KANK2: variants seen among roughly 807,000 people sequenced by gnomAD.
The protein encoded by KANK2 is KN motif and ankyrin repeat domains 2.
Under a neutral mutation model 74.6 loss-of-function variants are expected in KANK2, and 41 were observed. The observed-to-expected ratio is 0.55, with a 90% CI of 0.43 to 0.71. The LOEUF is 0.71. KANK2 is among the 30% of genes least tolerant of loss of function. The probability of loss-of-function intolerance (pLI) is 0.00; values close to 1 mark genes in which losing one functional copy is unlikely to be tolerated. For missense variants in KANK2, 1,148 were observed against 1,196.4 expected (o/e 0.96, Z 0.60); for synonymous variants, 537 against 519.0 (o/e 1.03, Z -0.47).
chr19:11,188,922 T>G (rs1338363005), intron 4 of KANK2, among the ~76,000 whole-genome samples: 2 of 151,134 alleles, frequency 1.3e-5, no homozygotes, highest in African/African-American at 2.4e-5. Context: ...GAGGTGGAGG[T>G]TGCAGTGAGC....
At chr19:11,186,960 G>T (rs1482805942) in intron 4 of KANK2, among the ~76,000 whole-genome samples, 4 of 151,950 alleles carry the variant, frequency 2.6e-5, no homozygotes, top group Non-Finnish European at 5.9e-5. Flanking sequence ...ACTGTGAAGG[G>T]ATTAGAGAAG....
At chr19:11,192,783 G>GCC (rs35706290) in intron 4 of KANK2, 48 bp downstream of exon 4, 153 of 1,444,550 alleles carry the variant, frequency 1.1e-4, no homozygotes, top group East Asian at 6.8e-4. Flanking sequence ...GAAGAAAGAG[G>GCC]CCCCCCCCCC....
At chr19:11,167,878 C>A (rs2147362541) in intron 12 of KANK2, among the ~76,000 whole-genome samples, 1 of 152,024 alleles carries the variant, frequency 6.6e-6, no homozygotes, top group South Asian at 2.1e-4. Flanking sequence ...GGCCTTTGCA[C>A]TGCTTGTTCC....
chr19:11,170,441 G>A lies in KANK2; in HGVS notation c.2212-193C>T. The A allele has an allele frequency of 1.7e-6, 1 of 596,380 alleles. No individual in the cohort carries two copies. Among genetic ancestry groups the A allele is most frequent in the Non-Finnish European group, 3.0e-6 (1 of 334,672 alleles). The allele number at this position is 596,380 out of a possible 1,614,324, so 36.9% of individuals were successfully genotyped here. A position where few individuals can be genotyped will look rare whatever the true frequency, so the allele number is the denominator to read the frequency against. ...AAATCCACAGAGACAGAAAGCGGATGAGTGGTTGCCAGAGGCTGGGAGAAG... is the reference window on the plus strand; with the variant it reads ...AAATCCACAGAGACAGAAAGCGGATAAGTGGTTGCCAGAGGCTGGGAGAAG... On this transcript the variant is annotated intron_variant, in intron 10 of 12. Coordinates refer to ENST00000586659, the MANE Select transcript of KANK2 (RefSeq NM_001136191.3). The surrounding 1 kb of genome is among the most constrained non-coding windows in gnomAD (Gnocchi z 5.2).
intron 4 of KANK2, among the ~76,000 whole-genome samples, chr19:11,187,390 A>G (rs2078707311): frequency 1.3e-5 from 2 of 152,226 alleles, no homozygotes; most frequent in South Asian, 4.1e-4. Context: ...TCTGAAGCAC[A>G]ACACCATTTA....
chr19:11,177,654 T>C (rs1036170365), intron 6 of KANK2, among the ~76,000 whole-genome samples: 2 of 152,036 alleles, frequency 1.3e-5, no homozygotes. Context: ...GCCCGGCCAC[T>C]TCTAGCCCTT....
intron 12 of KANK2, among the ~76,000 whole-genome samples, chr19:11,167,355 G>A (rs192107863): frequency 1.3e-5 from 2 of 151,836 alleles, no homozygotes; most frequent in African/African-American, 4.8e-5. Flanking sequence ...GTGAGCCACC[G>A]TGCCCGGCCT....
Position 11,193,218 on chromosome 19 carries a change from TGGC to T in KANK2, c.859_861del (p.Ala287del), listed in dbSNP as rs745351817. 1.6e-5 allele frequency: 25 copies of T among 1,609,494 alleles called. No homozygotes were observed. The highest frequency in any genetic ancestry group is 2.1e-5 in the Non-Finnish European group (25 of 1,179,840). ...AGCTGGGTCTCCAGCACAGCGACCT[TGGC>T]GGCGAGGGCAGCCTCCCCATCAGGC... On this transcript the variant is annotated inframe_deletion, in exon 4 of 13. Coordinates refer to ENST00000586659, the MANE Select transcript of KANK2 (RefSeq NM_001136191.3). This position sits in a 1 kb window ranked among gnomAD's most constrained non-coding sequence, Gnocchi z 9.6.
chr19:11,174,731 G>C, intron 8 of KANK2, 39 bp from the exon 9 acceptor site: 1 of 1,510,402 alleles, frequency 6.6e-7, no homozygotes, highest in East Asian at 2.4e-5. Flanking sequence ...TGAGGGCGGG[G>C]GAGGCCCACT....
At chr19:11,168,592 C>G (rs1387433969) in intron 12 of KANK2, among the ~76,000 whole-genome samples, 1 of 152,070 alleles carries the variant, frequency 6.6e-6, no homozygotes, top group Non-Finnish European at 1.5e-5. Flanking sequence ...GTGTCTCTTA[C>G]CAGAATGCTC....
chr19:11,166,733 C>A, intron 12 of KANK2, 122 bp from the exon 13 acceptor site: 1 of 900,980 alleles, frequency 1.1e-6, no homozygotes, highest in Non-Finnish European at 1.8e-6. Context: ...CCCCTGGCCC[C>A]AAGGAGGTGG....
At chr19:11,180,247 T>C (rs748338080) in intron 4 of KANK2, among the ~76,000 whole-genome samples, 2 of 152,176 alleles carry the variant, frequency 1.3e-5, no homozygotes, top group Non-Finnish European at 2.9e-5. Flanking sequence ...TTCCCTTTAA[T>C]GGCTAAAAAG....
At position 11,192,431 on chromosome 19, in the gene KANK2, C is replaced by CTTTTTTT. The variant is rs34285924; in HGVS notation, c.1249+393_1249+399dup. The CTTTTTTT allele has an allele frequency of 1.8e-4, 28 of 159,948 alleles. 1 individual carries two copies. The highest frequency in any genetic ancestry group is 5.2e-4 in the Admixed American group (6 of 11,534). 9.9% of individuals were successfully genotyped at this position (159,948 alleles called of 1,614,324 possible). ...GGGGCTGGGGCTGGACCTTGGCATT[C>CTTTTTTT]TTTTTTTTTTTTTTTTTTTTTGAGA... On this transcript the variant is annotated intron_variant, in intron 4 of 12. Transcript: ENST00000586659.
intron 12 of KANK2, among the ~76,000 whole-genome samples, chr19:11,167,153 C>T (rs1363579754): frequency 6.6e-6 from 1 of 152,096 alleles, no homozygotes; most frequent in African/African-American, 2.4e-5. Context: ...GCAACCTCTG[C>T]CTCCTGGGTT....
chr19:11,176,455 AAT>A, intron 7 of KANK2, 121 bp downstream of exon 7: 2 of 1,122,146 alleles, frequency 1.8e-6, no homozygotes, highest in Non-Finnish European at 2.5e-6. Context: ...CTCGTTTGCT[AAT>A]TCAGACTAAA....
intron 3 of KANK2, 130 bp from the exon 4 acceptor site, chr19:11,194,172 C>T (rs2078948341): frequency 1.0e-6 from 1 of 1,000,738 alleles, no homozygotes; most frequent in East Asian, 2.6e-5. Flanking sequence ...TCAACCGCGT[C>T]TGCTCTCAGA....
At position 11,192,847 on chromosome 19, in the gene KANK2, G is replaced by T; in HGVS notation, c.1233C>A (p.Ser411Arg). The change falls in exon 4 of 13, where the codon AGC becomes AGA. Residue 411 changes from serine to arginine, a missense_variant. By Grantham distance (110) the Ser-to-Arg change is moderately radical. Transcript: ENST00000586659. Reference sequence around the variant, plus strand: ...ACCGCTTACCTGCTGCTCCATCGCAGCTTCGCTCTGTGATGCTAATCTTCT... The same window carrying T: ...ACCGCTTACCTGCTGCTCCATCGCATCTTCGCTCTGTGATGCTAATCTTCT... ...MVKKISITER[S>R]CDGAAGLPEV... 6.2e-7 allele frequency: 1 copy of T among 1,603,844 alleles called. No individual in the cohort carries two copies. The highest frequency in any genetic ancestry group is 8.5e-7 in the Non-Finnish European group (1 of 1,176,280).
At position 11,164,964 on chromosome 19, in the gene KANK2, C is replaced by T. The variant is rs887241421; in HGVS notation, c.*1594G>A. The stretch of plus-strand genomic sequence containing the variant: ...GCTTTAAAGCCTTGGAGGCTGAGCT[C>T]ACTGGCCTCGAAAGGGCAGCGCGCG... On this transcript the variant is annotated 3_prime_UTR_variant, in exon 13 of 13. Transcript: ENST00000586659. 1.3e-5 allele frequency: 2 copies of T among 152,146 alleles called. No individual in the cohort carries two copies. 9.4% of individuals were successfully genotyped at this position (152,146 alleles called of 1,614,324 possible).
intron 12 of KANK2, among the ~76,000 whole-genome samples, chr19:11,168,675 C>T (rs547166284): frequency 2.6e-5 from 4 of 152,248 alleles, no homozygotes; most frequent in Middle Eastern, 3.4e-3. Flanking sequence ...AGAACTGGGC[C>T]TAACATGCAG....
Sources: allele counts gnomAD v4.1 joint callset (sites outside exome capture counted in the v4.1 genomes callset), GRCh38; gene constraint gnomAD v4.1.1; non-coding constraint Gnocchi (gnomAD v3.1); transcripts MANE v1.5; gene names NCBI Gene and HGNC (gene_info 2026-07-23, HGNC 2026-07-21).